Variants in TRIT1 observed in about 807,000 individuals in gnomAD.
TRIT1 encodes the protein tRNA isopentenyltransferase 1.
A neutral mutation model predicts 51.2 loss-of-function variants in TRIT1; 43 were observed. The ratio of observed to expected loss-of-function variants is 0.84; its 90% CI spans 0.66 to 1.08. TRIT1 has a LOEUF of 1.08. Ranked by LOEUF, TRIT1 falls within the 50% of genes least tolerant of loss-of-function variation. The pLI, the probability that TRIT1 is intolerant of heterozygous loss-of-function variation, is 0.00. For synonymous variants in TRIT1, 184 were observed against 203.9 expected, an observed-to-expected ratio of 0.90 and a Z score of 0.83; for missense variants, 528 against 578.4, an observed-to-expected ratio of 0.91 and a Z score of 0.89.
chr1:39,839,032 C>T lies in TRIT1; in HGVS notation c.*2712G>A, dbSNP rs75316279. On this transcript the variant is annotated 3_prime_UTR_variant, in exon 11 of 11. Coordinates refer to ENST00000316891, the MANE Select transcript of TRIT1 (RefSeq NM_017646.6). ...CAAAGTACTTTCTACCCACTTACAA[C>T]AGCACTGCCTGAACTGTGAGAAGTA... 4.3e-3 allele frequency among the ~76,000 whole-genome samples: 652 copies of T among 152,334 alleles called. 1 individual carries two copies. Among genetic ancestry groups the T allele is most frequent in the Non-Finnish European group, 6.4e-3 (434 of 68,034 alleles).
chr1:39,879,473 G>T (rs1338183090), intron 1 of TRIT1, among the ~76,000 whole-genome samples: 4 of 150,664 alleles, frequency 2.7e-5, no homozygotes, highest in Non-Finnish European at 5.9e-5. Context: ...TGAGACTATT[G>T]TGAGGATTTT....
intron 1 of TRIT1, among the ~76,000 whole-genome samples, chr1:39,865,980 G>A (rs1162684871): frequency 7.0e-6 from 1 of 142,476 alleles, no homozygotes. Context: ...GAAGGAAAAG[G>A]AAAAGAAAGA....
At chr1:39,870,675 A>C (rs76914024) in intron 1 of TRIT1, among the ~76,000 whole-genome samples, 3,230 of 152,144 alleles carry the variant, frequency 0.021, 67 homozygotes, top group East Asian at 0.11. Context: ...ATACAGAAGA[A>C]CACGAATTCT....
At chr1:39,848,547 C>T (rs950174085) in intron 5 of TRIT1, among the ~76,000 whole-genome samples, 5 of 150,986 alleles carry the variant, frequency 3.3e-5, no homozygotes, top group African/African-American at 7.3e-5. Flanking sequence ...TAGATACGGC[C>T]GGGCAAGGTG....
At chr1:39,850,320 C>A in intron 4 of TRIT1, 59 bp from the exon 5 acceptor site, 1 of 1,591,016 alleles carries the variant, frequency 6.3e-7, no homozygotes, top group South Asian at 1.1e-5. Context: ...AGAAAATATT[C>A]ATTCTCAAGT....
In TRIT1 at chr1:39,841,699, G is replaced by T; in HGVS notation, c.*45C>A. On this transcript the variant is annotated 3_prime_UTR_variant, in exon 11 of 11. Transcript: ENST00000316891. ...GGAGACAAACATACCCCTCCCTCCT[G>T]AACTGGATCCCCACCACCTTTCCAA... 1 of 1,569,664 alleles carries T rather than the reference G, an allele frequency of 6.4e-7. No homozygotes were observed. Among genetic ancestry groups the T allele is most frequent in the African/African-American group, 1.4e-5 (1 of 73,326 alleles).
At chr1:39,842,982 C>T (rs185022980) in intron 10 of TRIT1, among the ~76,000 whole-genome samples, 18 of 152,290 alleles carry the variant, frequency 1.2e-4, no homozygotes, top group Admixed American at 9.8e-4. Flanking sequence ...CAAAGGCTCA[C>T]ACATGTTGCT....
chr1:39,845,995 A>G (rs1642201608), intron 8 of TRIT1, among the ~76,000 whole-genome samples: 1 of 152,260 alleles, frequency 6.6e-6, no homozygotes. Context: ...GAAGTTCTAA[A>G]TTATTACCCA....
Position 39,857,355 on chromosome 1 carries a change from C to A in TRIT1, c.237G>T (p.Arg79=). ...GATCCACAAAGCTGATCATGTGGTG[C>A]CGGCAGATTCTCTGCTCTTGGGCAG... is the stretch of plus-strand genomic sequence containing the variant. ...KVSAQEQRIC[R]HHMISFVDPL... The change falls in exon 2 of 11, where the codon CGG becomes CGT. Residue 79 remains arginine, a synonymous_variant. Coordinates refer to ENST00000316891, the MANE Select transcript of TRIT1 (RefSeq NM_017646.6). The A allele has an allele frequency of 2.5e-6, 4 of 1,614,138 alleles. No homozygotes were observed. The highest frequency in any genetic ancestry group is 8.5e-7 in the Non-Finnish European group (1 of 1,180,012).
chr1:39,863,982 C>T (rs927026596), intron 1 of TRIT1, among the ~76,000 whole-genome samples: 1 of 152,142 alleles, frequency 6.6e-6, no homozygotes, highest in African/African-American at 2.4e-5. Flanking sequence ...ACCTCCACCT[C>T]CCAGGTTCAA....
chr1:39,881,227 CAAAAAAAA>C (rs56205358), intron 1 of TRIT1, among the ~76,000 whole-genome samples: 1 of 80,162 alleles, frequency 1.2e-5, no homozygotes, highest in Admixed American at 1.2e-4. Context: ...ACTCTGTCTC[CAAAAAAAA>C]AAAAAAAAAA....
intron 1 of TRIT1, among the ~76,000 whole-genome samples, chr1:39,863,174 A>G (rs1643345234): frequency 6.6e-6 from 1 of 152,252 alleles, no homozygotes; most frequent in Admixed American, 6.5e-5. Flanking sequence ...GAAGATTAAG[A>G]AAGTCCCATG....
At chr1:39,864,534 G>A (rs544534815) in intron 1 of TRIT1, among the ~76,000 whole-genome samples, 8 of 150,600 alleles carry the variant, frequency 5.3e-5, no homozygotes, top group Admixed American at 2.6e-4. Context: ...GTGTGAACCC[G>A]GGAGGCGGAG....
At position 39,878,920 on chromosome 1, in the gene TRIT1, A is replaced by G. The variant is rs555661358; in HGVS notation, c.174+4398T>C. 7.9e-5 allele frequency among the ~76,000 whole-genome samples: 12 copies of G among 152,316 alleles called. No homozygotes were observed. The East Asian group carries it at 2.3e-3, about 29-fold the overall frequency. ...ATTTACAATATGAATCCTAAAATAC[A>G]TCTTTTTCCTGATCAAAATGTTGCA... On this transcript the variant is annotated intron_variant, in intron 1 of 10. Transcript: ENST00000316891.
chr1:39,872,091 T>G (rs1029284045), intron 1 of TRIT1, among the ~76,000 whole-genome samples: 1 of 136,862 alleles, frequency 7.3e-6, no homozygotes, highest in African/African-American at 2.6e-5. Flanking sequence ...TTTTTTTTTT[T>G]GTAGAGATGG....
chr1:39,852,820 C>T lies in TRIT1; in HGVS notation c.471G>A (p.Glu157=). Residue 157 remains glutamate, a synonymous_variant, in exon 4 of 11, where the codon GAG becomes GAA. Transcript: ENST00000316891. Reference sequence around the variant, plus strand: ...GGCGTTTGTGAAGTACAAGACCATCCTCCTTTTCAAGCTCCACTTTTCGGT... The same window carrying T: ...GGCGTTTGTGAAGTACAAGACCATCTTCCTTTTCAAGCTCCACTTTTCGGT... ...VIDRKVELEK[E]DGLVLHKRLS... 1 of 1,614,196 alleles carries T rather than the reference C, an allele frequency of 6.2e-7. No individual in the cohort carries two copies. The highest frequency in any genetic ancestry group is 8.5e-7 in the Non-Finnish European group (1 of 1,180,030).
chr1:39,859,566 G>C (rs1051993342), intron 1 of TRIT1, among the ~76,000 whole-genome samples: 3 of 150,602 alleles, frequency 2.0e-5, no homozygotes, highest in African/African-American at 4.9e-5. Context: ...CTGGGCAATA[G>C]AGCCAGACTT....
chr1:39,861,907 G>C (rs1643268193), intron 1 of TRIT1, among the ~76,000 whole-genome samples: 1 of 141,044 alleles, frequency 7.1e-6, no homozygotes, highest in South Asian at 2.2e-4. Context: ...CTGGGCAAGA[G>C]AGCAAGGCTC....
At chr1:39,864,548 G>A (rs1643426751) in intron 1 of TRIT1, among the ~76,000 whole-genome samples, 1 of 147,654 alleles carries the variant, frequency 6.8e-6, no homozygotes, top group Non-Finnish European at 1.5e-5. Context: ...GGCGGAGCTT[G>A]CAGTGAGCCA....
Sources: gnomAD v4.1 joint callset for allele counts (sites outside exome capture counted in the v4.1 genomes callset) on GRCh38, gnomAD v4.1.1 for gene constraint, MANE v1.5 for transcripts, NCBI Gene and HGNC (gene_info 2026-07-23, HGNC 2026-07-21) for gene names.